RBPJ: variants seen among roughly 807,000 people sequenced by gnomAD.
RBPJ encodes recombination signal binding protein for immunoglobulin kappa J region, also known as recombining binding protein suppressor of hairless.
RBPJ carries 9 observed loss-of-function variants against 67.8 expected under a neutral mutation model. That is an observed-to-expected ratio of 0.13 (90% CI 0.08 to 0.23). RBPJ has a LOEUF of 0.23. RBPJ is among the 10% of genes least tolerant of loss of function. RBPJ has a pLI of 1.00. For missense variants in RBPJ, 305 were observed against 595.6 expected (o/e 0.51, Z 5.08); for synonymous variants, 198 against 203.3 (o/e 0.97, Z 0.22).
chr4:26,358,947 T>G (rs1727714659), intron 1 of RBPJ, among the ~76,000 whole-genome samples: 1 of 152,172 alleles, frequency 6.6e-6, no homozygotes, highest in South Asian at 2.1e-4. Flanking sequence ...TCCCAGTTTT[T>G]CAAAAGGAGA....
chr4:26,140,801 G>A, the RBPJ span, among the ~76,000 whole-genome samples: 1 of 149,322 alleles, frequency 6.7e-6, no homozygotes, highest in Non-Finnish European at 1.5e-5. Flanking sequence ...AGAAGTGGAT[G>A]CCCGAGCCCA....
the RBPJ span, among the ~76,000 whole-genome samples, chr4:26,125,794 A>G: frequency 7.4e-6 from 1 of 134,882 alleles, no homozygotes; most frequent in South Asian, 2.2e-4. Flanking sequence ...GCAAGACTCC[A>G]TTTCAAAAAA....
chr4:26,137,066 C>G, the RBPJ span, among the ~76,000 whole-genome samples: 1 of 152,192 alleles, frequency 6.6e-6, no homozygotes, highest in Non-Finnish European at 1.5e-5. Context: ...GTGCCCCTGC[C>G]TTCTGGGATG....
At chr4:26,191,246 G>A (rs565960649) in intron 1 of RBPJ, among the ~76,000 whole-genome samples, 26 of 135,970 alleles carry the variant, frequency 1.9e-4, no homozygotes, top group Non-Finnish European at 3.5e-4. Context: ...GAGAGATAGA[G>A]AGAGAGAGAG....
chr4:26,255,529 G>A (rs1390180848), intron 1 of RBPJ, among the ~76,000 whole-genome samples: 26 of 151,228 alleles, frequency 1.7e-4, no homozygotes, highest in African/African-American at 5.9e-4. Flanking sequence ...TCGGCCGGGC[G>A]TGGTGGCTCA....
intron 1 of RBPJ, among the ~76,000 whole-genome samples, chr4:26,295,399 T>C (rs1424401077): frequency 2.0e-5 from 3 of 152,098 alleles, no homozygotes; most frequent in South Asian, 2.1e-4. Context: ...TTAATGCTAG[T>C]AGTTGTTGCA....
the RBPJ span, among the ~76,000 whole-genome samples, chr4:26,125,898 C>CAT: frequency 1.1e-4 from 16 of 152,238 alleles, no homozygotes; most frequent in African/African-American, 3.4e-4. Context: ...AACAATGCAG[C>CAT]TGGAGAGGCA....
chr4:26,108,813 C>T, the RBPJ span, among the ~76,000 whole-genome samples: 5 of 152,326 alleles, frequency 3.3e-5, no homozygotes, highest in Middle Eastern at 3.4e-3. Flanking sequence ...TTGAGTCCCC[C>T]ACTCCACTGT....
intron 3 of RBPJ, among the ~76,000 whole-genome samples, chr4:26,411,154 T>C (rs1317370733): frequency 6.6e-6 from 1 of 152,174 alleles, no homozygotes; most frequent in Non-Finnish European, 1.5e-5. Flanking sequence ...CTCATGCCTG[T>C]AATCCCAACA....
At chr4:26,129,116 T>C in the RBPJ span, among the ~76,000 whole-genome samples, 1 of 152,240 alleles carries the variant, frequency 6.6e-6, no homozygotes, top group African/African-American at 2.4e-5. Flanking sequence ...TCTCACTTCA[T>C]CTTCATATTA....
intron 1 of RBPJ, chr4:26,272,781 G>A (rs1338317629): frequency 2.3e-6 from 1 of 439,330 alleles, no homozygotes; most frequent in Non-Finnish European, 4.6e-6. Flanking sequence ...ACACCAGGAA[G>A]GGGGTGATGG....
upstream of RBPJ, chr4:26,319,638 G>C: frequency 1.7e-6 from 1 of 595,300 alleles, no homozygotes; most frequent in Non-Finnish European, 3.0e-6. Flanking sequence ...AATTTCCCAC[G>C]GCCGTGTTGT....
At chr4:26,318,338 G>A (rs1722732685), upstream of RBPJ, among the ~76,000 whole-genome samples, 1 of 152,134 alleles carries the variant, frequency 6.6e-6, no homozygotes, top group African/African-American at 2.4e-5. Context: ...CTGAAACGTG[G>A]CTGATTGAAG....
chr4:26,315,989 G>A (rs574857963), upstream of RBPJ, among the ~76,000 whole-genome samples: 3 of 151,870 alleles, frequency 2.0e-5, no homozygotes, highest in Non-Finnish European at 4.4e-5. Flanking sequence ...TTGTTATTCC[G>A]TTCTTTTTCA....
intron 1 of RBPJ, among the ~76,000 whole-genome samples, chr4:26,219,063 T>C (rs6834259): frequency 0.017 from 2,657 of 152,202 alleles, 94 homozygotes; most frequent in African/African-American, 0.06. Context: ...TACAAGCATT[T>C]TTCAAAAAGG....
intron 2 of RBPJ, among the ~76,000 whole-genome samples, chr4:26,397,778 C>A (rs949157566): frequency 6.6e-6 from 1 of 152,280 alleles, no homozygotes; most frequent in South Asian, 2.1e-4. Flanking sequence ...GGATTACAGG[C>A]GTGTGCTACC....
chr4:26,336,323 G>A (rs1357403064), intron 1 of RBPJ, among the ~76,000 whole-genome samples: 2 of 152,118 alleles, frequency 1.3e-5, no homozygotes, highest in African/African-American at 4.8e-5. Flanking sequence ...CTATTTCTAT[G>A]AAAGATTATT....
At chr4:26,108,335 C>T in the RBPJ span, among the ~76,000 whole-genome samples, 22 of 152,318 alleles carry the variant, frequency 1.4e-4, no homozygotes, top group Admixed American at 9.2e-4. Flanking sequence ...GAGAAGACTT[C>T]CCACTCTCTT....
chr4:26,374,594 G>A (rs1729516326), intron 1 of RBPJ, among the ~76,000 whole-genome samples: 1 of 151,704 alleles, frequency 6.6e-6, no homozygotes, highest in Non-Finnish European at 1.5e-5. Context: ...TCCTGCCTCA[G>A]CCTCCCGAGT....
Sources: allele counts gnomAD v4.1 joint callset (sites outside exome capture counted in the v4.1 genomes callset), GRCh38; gene constraint gnomAD v4.1.1; transcripts MANE v1.5; gene names NCBI Gene and HGNC (gene_info 2026-07-23, HGNC 2026-07-21).